The following NPTN variants were observed in gnomAD, a reference collection of about 807,000 sequenced individuals.
NPTN encodes SDR-1.
A neutral mutation model predicts 42.7 loss-of-function variants in NPTN; 5 were observed. That is an observed-to-expected ratio of 0.12 (90% confidence interval 0.06 to 0.25). NPTN has a LOEUF of 0.25. Among genes scored for constraint, NPTN ranks in the 10% least tolerant of loss-of-function variants. The probability of loss-of-function intolerance (pLI) is 1.00; values close to 1 mark genes in which losing one functional copy is unlikely to be tolerated. For synonymous variants in NPTN, 180 were observed against 201.9 expected, an observed-to-expected ratio of 0.89 and a Z score of 0.92; for missense variants, 307 against 525.4, an observed-to-expected ratio of 0.58 and a Z score of 4.06.
chr15:73,589,547 G>A (rs1896487327), intron 3 of NPTN, among the ~76,000 whole-genome samples: 1 of 152,092 alleles, frequency 6.6e-6, no homozygotes, highest in Non-Finnish European at 1.5e-5. Flanking sequence ...CAGATGAGAG[G>A]ATAAATAGTT....
chr15:73,585,357 G>A (rs898489227), intron 4 of NPTN, among the ~76,000 whole-genome samples: 2 of 152,078 alleles, frequency 1.3e-5, no homozygotes, highest in Non-Finnish European at 2.9e-5. Context: ...CCCCACCCCG[G>A]AGACACTAAG....
chr15:73,564,489 A>G (rs1894865715), intron 6 of NPTN, among the ~76,000 whole-genome samples: 1 of 152,216 alleles, frequency 6.6e-6, no homozygotes, highest in South Asian at 2.1e-4. Context: ...TTTCAAAAAA[A>G]AGAACTAACC....
At chr15:73,615,899 C>T (rs1051538937) in intron 1 of NPTN, among the ~76,000 whole-genome samples, 1 of 152,016 alleles carries the variant, frequency 6.6e-6, no homozygotes, top group African/African-American at 2.4e-5. Flanking sequence ...CATCCTCTTT[C>T]CAACCAGAGA....
intron 1 of NPTN, among the ~76,000 whole-genome samples, chr15:73,601,116 A>C (rs972074755): frequency 6.6e-6 from 1 of 152,212 alleles, no homozygotes; most frequent in Non-Finnish European, 1.5e-5. Flanking sequence ...GTTCATACAT[A>C]GGGCAGGTGC....
At position 73,614,366 on chromosome 15, in the gene NPTN, A is replaced by G. The variant is rs72625789; in HGVS notation, c.92-16997T>C. 0.031 allele frequency among the ~76,000 whole-genome samples: 4,743 copies of G among 152,260 alleles called. 560 individuals carry two copies. The East Asian group carries it at 0.4, about 13-fold the overall frequency. ...AGAAATCATTCCATTTAATAAATAC[A>G]TACACATATATTAAAACCTGAAACC... On this transcript the variant is annotated intron_variant, in intron 1 of 8. Coordinates refer to ENST00000345330, the MANE Select transcript of NPTN (RefSeq NM_012428.4).
rs141203421 is a variant in NPTN at position 73,564,256 on chromosome 15, T to C, written c.1115-999A>G. Among the ~76,000 whole-genome samples, 7 of 152,310 alleles carry C rather than the reference T, an allele frequency of 4.6e-5. No individual in the cohort carries two copies. The East Asian group carries it at 1.2e-3, about 25-fold the overall frequency. On this transcript the variant is annotated intron_variant, in intron 6 of 8. Coordinates refer to ENST00000345330, the MANE Select transcript of NPTN (RefSeq NM_012428.4). ...GGTAAACTAAATGATTCAGAACAGT[T>C]TGATTTCACTGAAGGCTTCTAGAAA...
At chr15:73,619,134 C>T (rs1413473008) in intron 1 of NPTN, among the ~76,000 whole-genome samples, 1 of 151,188 alleles carries the variant, frequency 6.6e-6, no homozygotes, top group African/African-American at 2.4e-5. Flanking sequence ...GCATAGAGGT[C>T]TTTAAAAGGA....
Position 73,569,552 on chromosome 15 carries a change from G to A in NPTN, c.1114+598C>T. 2 of 985,430 alleles carry A rather than the reference G, an allele frequency of 2.0e-6. No individual in the cohort carries two copies. Among genetic ancestry groups the A allele is most frequent in the Non-Finnish European group, 1.2e-6 (1 of 829,936 alleles). 61.0% of individuals were successfully genotyped at this position (985,430 alleles called of 1,614,324 possible). ...TCTCCTTTGTCTGTGAGACACAGAT[G>A]GAAAGCCACCCAGCAGAGAGCGCTG... On this transcript the variant is annotated intron_variant, in intron 6 of 8. Coordinates refer to ENST00000345330, the MANE Select transcript of NPTN (RefSeq NM_012428.4). The surrounding 1 kb of genome is among the most constrained non-coding windows in gnomAD (Gnocchi z 4.1).
At chr15:73,581,829 T>A (rs867211488) in intron 4 of NPTN, among the ~76,000 whole-genome samples, 12 of 152,202 alleles carry the variant, frequency 7.9e-5, no homozygotes, top group Admixed American at 2.0e-4. Flanking sequence ...ACTGCTTATA[T>A]GGTGCTCTTT....
chr15:73,620,550 A>G (rs1898083697), intron 1 of NPTN, among the ~76,000 whole-genome samples: 1 of 152,220 alleles, frequency 6.6e-6, no homozygotes, highest in African/African-American at 2.4e-5. Flanking sequence ...CTTGCACAGT[A>G]AAGAATTGTC....
At position 73,570,737 on chromosome 15, in the gene NPTN, C is replaced by T. The variant is rs1895325332; in HGVS notation, c.841-314G>A. Among the ~76,000 whole-genome samples the T allele has an allele frequency of 6.6e-6, 1 of 150,528 alleles. No homozygotes were observed. The highest frequency in any genetic ancestry group is 6.6e-5 in the Admixed American group (1 of 15,220). On this transcript the variant is annotated intron_variant, in intron 5 of 8. Transcript: ENST00000345330. This position sits in a 1 kb window ranked among gnomAD's most constrained non-coding sequence, Gnocchi z 4.0. ...CTGCCTCCAACACCAGGTAAGAAACCACAGCAGAAAGAGGACGGCAGAAGG... is the reference window on the plus strand; with the variant it reads ...CTGCCTCCAACACCAGGTAAGAAACTACAGCAGAAAGAGGACGGCAGAAGG...
intron 6 of NPTN, chr15:73,568,872 T>C (rs1895201853): frequency 1.0e-6 from 1 of 985,520 alleles, no homozygotes; most frequent in Non-Finnish European, 1.2e-6. Flanking sequence ...TTATAACTGC[T>C]GAGAAGAAAG....
chr15:73,592,605 C>T (rs955224014), intron 2 of NPTN, among the ~76,000 whole-genome samples: 1 of 152,164 alleles, frequency 6.6e-6, no homozygotes, highest in African/African-American at 2.4e-5. Flanking sequence ...GCTTTCCCCA[C>T]ATTTAAATGT....
intron 4 of NPTN, among the ~76,000 whole-genome samples, chr15:73,578,984 TTC>T (rs2141373660): frequency 7.3e-6 from 1 of 137,050 alleles, no homozygotes; most frequent in Non-Finnish European, 1.6e-5. Context: ...CAGAGTAAGA[TTC>T]TGTCTCAAAA....
chr15:73,573,120 G>A (rs1175323453), intron 5 of NPTN, among the ~76,000 whole-genome samples: 5 of 152,168 alleles, frequency 3.3e-5, no homozygotes, highest in Non-Finnish European at 5.9e-5. Context: ...AAATAGGTAA[G>A]TTTCAAGGAT....
At chr15:73,616,517 G>A (rs1566988001) in intron 1 of NPTN, among the ~76,000 whole-genome samples, 1 of 152,116 alleles carries the variant, frequency 6.6e-6, no homozygotes, top group African/African-American at 2.4e-5. Flanking sequence ...CAAATATTCT[G>A]ACTCCTGTTC....
chr15:73,597,490 A>C lies in NPTN; in HGVS notation c.92-121T>G. 1 of 741,542 alleles carries C rather than the reference A, an allele frequency of 1.3e-6. No homozygotes were observed. Among genetic ancestry groups the C allele is most frequent in the Non-Finnish European group, 2.2e-6 (1 of 459,696 alleles). The allele number at this position is 741,542 out of a possible 1,614,324, so 45.9% of individuals were successfully genotyped here. A position where few individuals can be genotyped will look rare whatever the true frequency, so the allele number is the denominator to read the frequency against. On this transcript the variant is annotated intron_variant, in intron 1 of 8. Transcript: ENST00000345330. This position sits in a 1 kb window ranked among gnomAD's most constrained non-coding sequence, Gnocchi z 6.3. ...AAAAAGCAAATGAGTTGCAAAGAAC[A>C]AAAAAGGATTCATTTTTAAACTATA...
chr15:73,563,617 G>C (rs921732458), intron 6 of NPTN: 1 of 1,043,570 alleles, frequency 9.6e-7, no homozygotes, highest in African/African-American at 1.7e-5. Context: ...CAACATTTCA[G>C]TTGTAAAATC....
At chr15:73,562,243 A>T (rs1432853954) in intron 7 of NPTN, among the ~76,000 whole-genome samples, 1 of 152,162 alleles carries the variant, frequency 6.6e-6, no homozygotes, top group Non-Finnish European at 1.5e-5. Context: ...AGCATCCCTA[A>T]TCTGAAAATC....
Sources: gnomAD v4.1 joint callset for allele counts (sites outside exome capture counted in the v4.1 genomes callset) on GRCh38, gnomAD v4.1.1 for gene constraint, Gnocchi (gnomAD v3.1) non-coding constraint, MANE v1.5 for transcripts, NCBI Gene and HGNC (gene_info 2026-07-23, HGNC 2026-07-21) for gene names.